The following FLG variants were observed in gnomAD, a reference collection of about 807,000 sequenced individuals.
FLG encodes the protein epidermal filaggrin.
In FLG, 6 loss-of-function variants were observed where a neutral mutation model predicts 3.8. The ratio of observed to expected loss-of-function variants is 1.60; its 90% CI spans 0.87 to 3.15. The LOEUF is 3.15. Ranked by LOEUF, FLG falls within the 30% of genes most tolerant of loss-of-function variation. The pLI, the probability that FLG is intolerant of heterozygous loss-of-function variation, is 0.00. For missense variants in FLG, 7,595 were observed against 5,050.9 expected (o/e 1.50, Z -15.27); for synonymous variants, 2,551 against 1,931.6 (o/e 1.32, Z -8.41).
rs774417331 is a variant in FLG, at chr1:152,309,730, G to T, written c.5156C>A (p.Ala1719Asp). 5.0e-6 allele frequency: 8 copies of T among 1,613,468 alleles called. No homozygotes were observed. In the African/African-American group the frequency reaches 5.4e-5, roughly 11 times the overall value. Residue 1719 changes from alanine (A) to aspartate (D), a missense_variant, in exon 3 of 3, where the codon GCC (alanine) becomes GAC (aspartate). Ala to Asp is a moderately radical substitution (Grantham distance 126). Coordinates refer to ENST00000368799, the MANE Select transcript of FLG (RefSeq NM_002016.2). Reference protein sequence around the residue: ...SGNRGSSGSQASDSEGHSEES... With the variant: ...SGNRGSSGSQDSDSEGHSEES... ...TTCTGAGTGTCCCTCGCTGTCACTGGCCTGGCTACCACTGGACCCTCGGTT... is the reference window on the plus strand; with the variant it reads ...TTCTGAGTGTCCCTCGCTGTCACTGTCCTGGCTACCACTGGACCCTCGGTT...
chr1:152,310,640 C>T lies in FLG; in HGVS notation c.4246G>A (p.Ala1416Thr). 1.9e-6 allele frequency: 3 copies of T among 1,613,996 alleles called. No individual in the cohort carries two copies. The highest frequency in any genetic ancestry group is 2.5e-6 in the Non-Finnish European group (3 of 1,179,986). ...TTGTGGCTCTGCTGATGGGGCCCAG[C>T]TTGTCCGTGGGCTGACACTGACTGT... ...DTQSVSAHGQ[A>T]GPHQQSHKES... Residue 1416 changes from alanine to threonine, a missense_variant, in exon 3 of 3, where the codon GCT (alanine) becomes ACT (threonine). Coordinates refer to ENST00000368799, the MANE Select transcript of FLG (RefSeq NM_002016.2).
rs1288550480 is a variant in FLG, at chr1:152,303,147, T to C, written c.11739A>G (p.Val3913=). The C allele has an allele frequency of 6.2e-7, 1 of 1,614,066 alleles. No individual in the cohort carries two copies. Among genetic ancestry groups the C allele is most frequent in the African/African-American group, 1.3e-5 (1 of 74,918 alleles). ...AGTCTGACTGTACAGGTGAAGACTG[T>C]ACATGACTGGCTGTATCGCGGTGAG... The part of the protein sequence containing the change: ...GSSHRDTASH[V]QSSPVQSDSS... The change falls in exon 3 of 3, where the codon GTA becomes GTG. Residue 3913 remains valine (V), a synonymous_variant. Coordinates refer to ENST00000368799, the MANE Select transcript of FLG (RefSeq NM_002016.2).
chr1:152,308,958 T>C lies in FLG; in HGVS notation c.5928A>G (p.Gln1976=). 1 of 1,614,108 alleles carries C rather than the reference T, an allele frequency of 6.2e-7. No individual in the cohort carries two copies. Among genetic ancestry groups the C allele is most frequent in the Non-Finnish European group, 8.5e-7 (1 of 1,179,972 alleles). ...GHGHSADSSR[Q]SGTRHTESSS... ...AAGACTCTGTGTGACGAGTGCCTGA[T>C]TGTCTGGAGCTGTCTGCAGAGTGCC... The change falls in exon 3 of 3, where the codon CAA becomes CAG. Residue 1976 remains glutamine (Q), a synonymous_variant. Transcript: ENST00000368799.
rs963292156 is a variant in FLG at position 152,303,799 on chromosome 1, G to A, written c.11087C>T (p.Thr3696Ile). 3.1e-6 allele frequency: 5 copies of A among 1,613,566 alleles called. No homozygotes were observed. The African/African-American group carries it at 5.3e-5, about 17-fold the overall frequency. ...AGACCTTCCTGCTGACCGGCCACGT[G>A]TGGACTCTTGGTGGCTCTGCTGATG... ...GPHQQSHQES[T>I]RGRSAGRSGR... Residue 3696 changes from threonine (T) to isoleucine (I), a missense_variant, in exon 3 of 3, where the codon ACA (threonine) becomes ATA (isoleucine). Thr to Ile is a moderately conservative substitution (Grantham distance 89). Coordinates refer to ENST00000368799, the MANE Select transcript of FLG (RefSeq NM_002016.2).
chr1:152,313,641 C>T lies in FLG; in HGVS notation c.1245G>A (p.Arg415=), dbSNP rs1272283531. 2 of 1,614,102 alleles carry T rather than the reference C, an allele frequency of 1.2e-6. No individual in the cohort carries two copies. The highest frequency in any genetic ancestry group is 2.2e-5 in the South Asian group (2 of 91,068). ...CACTGGCCTGACTACCGCTAGACCC[C>T]CGGTGTCCACGATCGCTGACTGCAG... is the stretch of plus-strand genomic sequence containing the variant. The part of the protein sequence containing the change: ...ASSAVSDRGH[R]GSSGSQASDS... Residue 415 remains arginine, a synonymous_variant, in exon 3 of 3, where the codon CGG becomes CGA. Transcript: ENST00000368799.
Position 152,310,216 on chromosome 1 carries a change from G to A in FLG, c.4670C>T (p.Ser1557Leu). Residue 1557 changes from serine (S) to leucine (L), a missense_variant, in exon 3 of 3, where the codon TCA (serine) becomes TTA (leucine). Transcript: ENST00000368799. Reference protein sequence around the residue: ...EEQSGDGSRHSGSRHHEPSTR... With the variant: ...EEQSGDGSRHLGSRHHEPSTR... ...GGAAGGTTCATGGTGACGTGACCCTGAGTGCCTGGAGCCGTCTCCTGATTG... is the reference window on the plus strand; with the variant it reads ...GGAAGGTTCATGGTGACGTGACCCTAAGTGCCTGGAGCCGTCTCCTGATTG... The A allele has an allele frequency of 6.2e-7, 1 of 1,613,864 alleles. No individual in the cohort carries two copies. The highest frequency in any genetic ancestry group is 8.5e-7 in the Non-Finnish European group (1 of 1,179,974).
At position 152,312,197 on chromosome 1, in the gene FLG, G is replaced by T. The variant is rs76586335; in HGVS notation, c.2689C>A (p.Arg897Ser). Reference protein sequence around the residue: ...SGSRSASRTTRNEEQSRDGSR... With the variant: ...SGSRSASRTTSNEEQSRDGSR... ...CCGTCTCTTGATTGTTCCTCATTAC[G>T]TGTTGTTCTGCTTGCACTTCTGGAT... The change falls in exon 3 of 3, where the codon CGT becomes AGT. Residue 897 changes from arginine to serine, a missense_variant. Transcript: ENST00000368799. The T allele has an allele frequency of 3.7e-6, 6 of 1,613,432 alleles. No individual in the cohort carries two copies. Among genetic ancestry groups the T allele is most frequent in the Non-Finnish European group, 4.2e-6 (5 of 1,179,934 alleles).
At position 152,314,094 on chromosome 1, in the gene FLG, A is replaced by T. The variant is rs1280287397; in HGVS notation, c.792T>A (p.Asp264Glu). ...NKIYERSRSS[D>E]GKSSSQVNRS... is the part of the protein sequence containing the mutation. Reference sequence around the variant, plus strand: ...TGTTCACTTGAGATGATGATTTGCCATCAGATGACCTTGATCTTTCATATA... The same window carrying T: ...TGTTCACTTGAGATGATGATTTGCCTTCAGATGACCTTGATCTTTCATATA... The change falls in exon 3 of 3, where the codon GAT becomes GAA. Residue 264 changes from aspartate to glutamate, a missense_variant. Asp to Glu is a conservative substitution (Grantham distance 45). Transcript: ENST00000368799. 6.2e-7 allele frequency: 1 copy of T among 1,614,218 alleles called. No homozygotes were observed. Among genetic ancestry groups the T allele is most frequent in the South Asian group, 1.1e-5 (1 of 91,088 alleles).
Position 152,314,058 on chromosome 1 carries a change from A to G in FLG, c.828T>C (p.His276=), listed in dbSNP as rs776562005. 4 of 1,614,010 alleles carry G rather than the reference A, an allele frequency of 2.5e-6. No homozygotes were observed. The highest frequency in any genetic ancestry group is 2.5e-6 in the Non-Finnish European group (3 of 1,179,996). ...GCAATGGTACCTGGCTTGTATTTTC[A>G]TGTCTTGACCTGTTCACTTGAGATG... is the stretch of plus-strand genomic sequence containing the variant. ...KSSSQVNRSR[H]ENTSQVPLQE... is the part of the protein sequence containing the mutation. The change falls in exon 3 of 3, where the codon CAT becomes CAC. Residue 276 remains histidine (H), a synonymous_variant. Transcript: ENST00000368799.
In FLG at chr1:152,315,443, A is replaced by G. The variant is rs779302206; in HGVS notation, c.14T>C (p.Leu5Pro). 8 of 1,611,742 alleles carry G rather than the reference A, an allele frequency of 5.0e-6. No homozygotes were observed. Among genetic ancestry groups the G allele is most frequent in the Middle Eastern group, 3.3e-4 (2 of 6,056 alleles). Residue 5 changes from leucine to proline, a missense_variant, in exon 2 of 3, where the codon CTG becomes CCG. Physicochemically the swap from Leu to Pro is moderately conservative, Grantham distance 98 (BLOSUM62 -3). Transcript: ENST00000368799. ...ATTAATTATGGCAAAGATGTTTTCC[A>G]GGAGAGTAGACATCTTTTGGCAATA... MSTL[L>P]ENIFAIINLF... is the part of the protein sequence containing the mutation.
intron 1 of FLG, among the ~76,000 whole-genome samples, chr1:152,323,909 A>G (rs1181935289): frequency 5.3e-5 from 8 of 151,846 alleles, no homozygotes; most frequent in South Asian, 2.1e-4. Context: ...ATGGATGAAT[A>G]AATTGTTATA....
chr1:152,318,317 T>C (rs1287092376), intron 1 of FLG, among the ~76,000 whole-genome samples: 4 of 151,954 alleles, frequency 2.6e-5, no homozygotes, highest in Admixed American at 6.6e-5. Context: ...ATCTCCAAGT[T>C]GTTGAATACA....
Position 152,310,270 on chromosome 1 carries a change from C to A in FLG, c.4616G>T (p.Ser1539Ile), listed in dbSNP as rs766357585. 12 of 1,613,896 alleles carry A rather than the reference C, an allele frequency of 7.4e-6. No individual in the cohort carries two copies. The highest frequency in any genetic ancestry group is 1.0e-5 in the Non-Finnish European group (12 of 1,179,984). Residue 1539 changes from serine to isoleucine, a missense_variant, in exon 3 of 3, where the codon AGT becomes ATT. Transcript: ENST00000368799. ...CTCATTTCTTGTTTGCCTGCTTGCACTTCTGGGTCCTGACTGCCCATGGGA... is the reference window on the plus strand; with the variant it reads ...CTCATTTCTTGTTTGCCTGCTTGCAATTCTGGGTCCTGACTGCCCATGGGA... ...DASHGQSGPR[S>I]ASRQTRNEEQ...
At position 152,312,496 on chromosome 1, in the gene FLG, A is replaced by T; in HGVS notation, c.2390T>A (p.Val797Glu). The change falls in exon 3 of 3, where the codon GTG (valine) becomes GAG (glutamate). Residue 797 changes from valine (V) to glutamate (E), a missense_variant. Transcript: ENST00000368799. ...SRRSGSFLYQVSTHKQSESSH... is the reference protein window; with the variant it reads ...SRRSGSFLYQESTHKQSESSH... ...GGACTCAGACTGTTTATGAGTGCTCACCTGGTAGAGGAAAGACCCTGAACG... is the reference window on the plus strand; with the variant it reads ...GGACTCAGACTGTTTATGAGTGCTCTCCTGGTAGAGGAAAGACCCTGAACG... 23 of 1,613,042 alleles carry T rather than the reference A, an allele frequency of 1.4e-5. No homozygotes were observed. The highest frequency in any genetic ancestry group is 1.9e-5 in the Non-Finnish European group (23 of 1,179,604).
In FLG at chr1:152,309,995, T is replaced by G. The variant is rs1217153981; in HGVS notation, c.4891A>C (p.Arg1631=). 6.2e-7 allele frequency: 1 copy of G among 1,613,910 alleles called. No individual in the cohort carries two copies. The highest frequency in any genetic ancestry group is 1.3e-5 in the African/African-American group (1 of 74,854). ...TCTTCTTGATGGGACCTGGGGTTCC[T>G]GGAGCCATGTCTTGACTGCTCCCGA... ...SAREQSRHGS[R]NPRSHQEDRA... Residue 1631 remains arginine, a synonymous_variant, in exon 3 of 3, where the codon AGG becomes CGG. Coordinates refer to ENST00000368799, the MANE Select transcript of FLG (RefSeq NM_002016.2).
In FLG at chr1:152,312,464, C is replaced by T; in HGVS notation, c.2422G>A (p.Gly808Arg). Residue 808 changes from glycine (G) to arginine (R), a missense_variant, in exon 3 of 3, where the codon GGA becomes AGA. Coordinates refer to ENST00000368799, the MANE Select transcript of FLG (RefSeq NM_002016.2). ...ACTCCAGTGCTGGGCCCTGTCCATCCATGGGAGGACTCAGACTGTTTATGA... is the reference window on the plus strand; with the variant it reads ...ACTCCAGTGCTGGGCCCTGTCCATCTATGGGAGGACTCAGACTGTTTATGA... ...STHKQSESSH[G>R]WTGPSTGVRQ... The T allele has an allele frequency of 6.2e-7, 1 of 1,613,708 alleles. No homozygotes were observed.
rs201187009 is a variant in FLG at position 152,309,735 on chromosome 1, G to A, written c.5151C>T (p.Ser1717=). ...GDSGNRGSSG[S]QASDSEGHSE... ...AGTGTCCCTCGCTGTCACTGGCCTGGCTACCACTGGACCCTCGGTTTCCAC... is the reference window on the plus strand; with the variant it reads ...AGTGTCCCTCGCTGTCACTGGCCTGACTACCACTGGACCCTCGGTTTCCAC... Residue 1717 remains serine, a synonymous_variant, in exon 3 of 3, where the codon AGC becomes AGT. Transcript: ENST00000368799. 8.1e-5 allele frequency: 130 copies of A among 1,613,678 alleles called. No homozygotes were observed. The South Asian group carries it at 9.1e-4, about 11-fold the overall frequency.
Position 152,311,242 on chromosome 1 carries a change from C to T in FLG, c.3644G>A (p.Ser1215Asn). 6.2e-7 allele frequency: 1 copy of T among 1,613,786 alleles called. No individual in the cohort carries two copies. The highest frequency in any genetic ancestry group is 1.3e-5 in the African/African-American group (1 of 74,910). Residue 1215 changes from serine (S) to asparagine (N), a missense_variant, in exon 3 of 3, where the codon AGT (serine) becomes AAT (asparagine). By Grantham distance (46) the Ser-to-Asn change is conservative (BLOSUM62 1). Coordinates refer to ENST00000368799, the MANE Select transcript of FLG (RefSeq NM_002016.2). Reference protein sequence around the residue: ...DASHGQSGSRSASRQTRKDKQ... With the variant: ...DASHGQSGSRNASRQTRKDKQ... Reference sequence around the variant, plus strand: ...GTCCTTACGAGTTTGTCTGCTTGCACTTCTGGATCCTGACTGCCCATGGGA... The same window carrying T: ...GTCCTTACGAGTTTGTCTGCTTGCATTTCTGGATCCTGACTGCCCATGGGA...
chr1:152,307,965 T>C lies in FLG; in HGVS notation c.6921A>G (p.Ala2307=). Residue 2307 remains alanine (A), a synonymous_variant, in exon 3 of 3, where the codon GCA becomes GCG. Transcript: ENST00000368799. Reference sequence around the variant, plus strand: ...CAGCCTGTCCACCAGAGGAATTCTCTGCATGATGAGTGCCTGATTGTCTGG... The same window carrying C: ...CAGCCTGTCCACCAGAGGAATTCTCCGCATGATGAGTGCCTGATTGTCTGG... The part of the protein sequence containing the change: ...ESSRQSGTHH[A]ENSSGGQAAS... The C allele has an allele frequency of 6.2e-7, 1 of 1,614,178 alleles. No individual in the cohort carries two copies. Among genetic ancestry groups the C allele is most frequent in the Non-Finnish European group, 8.5e-7 (1 of 1,180,030 alleles).
Sources: gnomAD v4.1 joint callset for allele counts (sites outside exome capture counted in the v4.1 genomes callset) on GRCh38, gnomAD v4.1.1 for gene constraint, MANE v1.5 for transcripts, NCBI Gene and HGNC (gene_info 2026-07-23, HGNC 2026-07-21) for gene names.